The following RNLS variants were observed in gnomAD, a reference collection of about 807,000 sequenced individuals.
The protein encoded by RNLS is renalase.
A neutral mutation model predicts 39.8 loss-of-function variants in RNLS; 39 were observed. That is an observed-to-expected ratio of 0.98 (90% CI 0.76 to 1.28). RNLS has a LOEUF of 1.28. RNLS is among the 50% of genes most tolerant of loss of function. RNLS has a pLI of 0.00. For synonymous variants in RNLS, 147 were observed against 150.7 expected (o/e 0.98, Z 0.18); for missense variants, 410 against 413.3 (o/e 0.99, Z 0.07).
chr10:88,248,303 A>T, the RNLS span, among the ~76,000 whole-genome samples: 2 of 152,252 alleles, frequency 1.3e-5, no homozygotes, highest in East Asian at 3.8e-4. Flanking sequence ...AGTGGCAAAG[A>T]GCACAAATTC....
chr10:88,339,668 G>A (rs1023895776), intron 5 of RNLS, among the ~76,000 whole-genome samples: 3 of 152,164 alleles, frequency 2.0e-5, no homozygotes, highest in African/African-American at 7.2e-5. Context: ...TACAGGTGTG[G>A]TGTTTTAAAG....
chr10:88,327,239 AGG>A (rs1000558783), intron 5 of RNLS, among the ~76,000 whole-genome samples: 1 of 152,086 alleles, frequency 6.6e-6, no homozygotes, highest in Non-Finnish European at 1.5e-5. Flanking sequence ...GAGATTTGGG[AGG>A]GGCCAGGGAT....
chr10:88,188,680 A>G, the RNLS span, among the ~76,000 whole-genome samples: 1 of 152,194 alleles, frequency 6.6e-6, no homozygotes, highest in Non-Finnish European at 1.5e-5. Context: ...TTCAAAATTA[A>G]TTACTTAGCT....
chr10:88,513,540 CT>C (rs1846255913), intron 4 of RNLS, among the ~76,000 whole-genome samples: 1 of 152,084 alleles, frequency 6.6e-6, no homozygotes, highest in South Asian at 2.1e-4. Flanking sequence ...CCCTTCATCA[CT>C]CTATGAATCC....
At chr10:88,366,935 G>A (rs1850160062) in intron 4 of RNLS, among the ~76,000 whole-genome samples, 1 of 151,690 alleles carries the variant, frequency 6.6e-6, no homozygotes, top group Non-Finnish European at 1.5e-5. Context: ...GGCCAGTGGA[G>A]CTCTTGTCTA....
rs181596815 is a variant in RNLS, at chr10:88,444,170, C to T, written c.527-81445G>A. On this transcript the variant is annotated intron_variant, in intron 4 of 6. Coordinates refer to ENST00000331772, the MANE Select transcript of RNLS (RefSeq NM_001031709.3). Reference sequence around the variant, plus strand: ...GCAACATTTGCTGATCAGCAATATTCGCTGTTCTGCAGCCTCTGCTGCTGA... The same window carrying T: ...GCAACATTTGCTGATCAGCAATATTTGCTGTTCTGCAGCCTCTGCTGCTGA... Among the ~76,000 whole-genome samples, 358 of 152,290 alleles carry T rather than the reference C, an allele frequency of 2.4e-3. 1 individual carries two copies. The highest frequency in any genetic ancestry group is 7.8e-3 in the African/African-American group (325 of 41,554).
chr10:88,266,736 C>CA, the RNLS span, among the ~76,000 whole-genome samples: 5 of 146,018 alleles, frequency 3.4e-5, no homozygotes, highest in South Asian at 2.2e-4. Context: ...CACACACACA[C>CA]CCCACACACA....
chr10:88,207,269 A>G, the RNLS span, among the ~76,000 whole-genome samples: 1 of 152,162 alleles, frequency 6.6e-6, no homozygotes, highest in African/African-American at 2.4e-5. Flanking sequence ...AATATTTGAA[A>G]ACCACTTATC....
chr10:88,298,589 T>A (rs547588455), intron 6 of RNLS, among the ~76,000 whole-genome samples: 20 of 152,232 alleles, frequency 1.3e-4, no homozygotes, highest in Non-Finnish European at 2.4e-4. Flanking sequence ...AGGAAAAGAT[T>A]ATTCTTTCTC....
chr10:88,445,505 A>C (rs1841982190), intron 4 of RNLS, among the ~76,000 whole-genome samples: 1 of 152,236 alleles, frequency 6.6e-6, no homozygotes, highest in South Asian at 2.1e-4. Context: ...GCTCCAATTA[A>C]AAGACACAGA....
intron 4 of RNLS, among the ~76,000 whole-genome samples, chr10:88,540,353 ATAAT>A (rs1347232421): frequency 1.3e-5 from 2 of 152,308 alleles, no homozygotes; most frequent in East Asian, 1.9e-4. Flanking sequence ...AACAAAGGTA[ATAAT>A]TAACACATCC....
the RNLS span, among the ~76,000 whole-genome samples, chr10:88,222,371 G>T: frequency 6.6e-5 from 10 of 152,274 alleles, no homozygotes; most frequent in African/African-American, 2.2e-4. Context: ...CCTCCTGGTA[G>T]ATTATAAACT....
At chr10:88,202,513 C>A in the RNLS span, among the ~76,000 whole-genome samples, 1 of 152,328 alleles carries the variant, frequency 6.6e-6, no homozygotes, top group African/African-American at 2.4e-5. Flanking sequence ...CCCTCCATGG[C>A]AGAGCCCCTT....
At chr10:88,177,577 A>T in the RNLS span, among the ~76,000 whole-genome samples, 1 of 152,182 alleles carries the variant, frequency 6.6e-6, no homozygotes, top group Non-Finnish European at 1.5e-5. Context: ...CAGGCATTTC[A>T]TAGATTTCCT....
chr10:88,382,165 G>A (rs1247042635), intron 4 of RNLS, among the ~76,000 whole-genome samples: 1 of 152,132 alleles, frequency 6.6e-6, no homozygotes, highest in East Asian at 1.9e-4. Flanking sequence ...GTTGTACTGT[G>A]ACATCTTATT....
chr10:88,391,881 C>G (rs1212511401), intron 4 of RNLS, among the ~76,000 whole-genome samples: 2 of 152,238 alleles, frequency 1.3e-5, no homozygotes, highest in Non-Finnish European at 2.9e-5. Flanking sequence ...TCTCCCTCCC[C>G]TGCCCCCAGC....
intron 4 of RNLS, among the ~76,000 whole-genome samples, chr10:88,510,292 C>T (rs1249721808): frequency 6.6e-6 from 1 of 151,868 alleles, no homozygotes; most frequent in African/African-American, 2.4e-5. Flanking sequence ...AAAAATGAGG[C>T]AGATAATTCT....
At chr10:88,377,239 TATACACAC>T (rs767126270) in intron 4 of RNLS, among the ~76,000 whole-genome samples, 1 of 107,458 alleles carries the variant, frequency 9.3e-6, no homozygotes, top group Non-Finnish European at 2.4e-5. Context: ...TACACACACA[TATACACAC>T]ACACACACAC....
chr10:88,540,230 T>G (rs1367808483), intron 4 of RNLS, among the ~76,000 whole-genome samples: 1 of 152,148 alleles, frequency 6.6e-6, no homozygotes, highest in Non-Finnish European at 1.5e-5. Flanking sequence ...TTTCATAAGC[T>G]ATTAGAACAG....
Sources: gnomAD v4.1 joint callset for allele counts (sites outside exome capture counted in the v4.1 genomes callset) on GRCh38, gnomAD v4.1.1 for gene constraint, MANE v1.5 for transcripts, NCBI Gene and HGNC (gene_info 2026-07-23, HGNC 2026-07-21) for gene names.